Variants in NUBPL observed in about 807,000 individuals in gnomAD.
NUBPL encodes iron-sulfur cluster transfer protein NUBPL.
In NUBPL, 31 loss-of-function variants were observed where a neutral mutation model predicts 45.7. The ratio of observed to expected loss-of-function variants is 0.68; its 90% CI spans 0.51 to 0.92. The LOEUF is 0.92. NUBPL is among the 40% of genes least tolerant of loss of function. The probability of loss-of-function intolerance (pLI) is 0.00; values close to 1 mark genes in which losing one functional copy is unlikely to be tolerated. For synonymous variants in NUBPL, 144 were observed against 140.9 expected (o/e 1.02, Z -0.15); for missense variants, 401 against 398.7 (o/e 1.01, Z -0.05).
At chr14:31,748,901 T>C (rs573518742) in intron 6 of NUBPL, among the ~76,000 whole-genome samples, 256 of 152,280 alleles carry the variant, frequency 1.7e-3, no homozygotes, top group Middle Eastern at 0.014. Context: ...TGTGAGCCAC[T>C]GCGCCCCACC....
At chr14:31,848,475 T>C (rs910427196) in intron 9 of NUBPL, among the ~76,000 whole-genome samples, 1 of 152,330 alleles carries the variant, frequency 6.6e-6, no homozygotes, top group East Asian at 1.9e-4. Flanking sequence ...TTTGGTACGA[T>C]AGCTCTTGAG....
At chr14:31,767,073 G>A (rs989086935) in intron 6 of NUBPL, among the ~76,000 whole-genome samples, 2 of 151,890 alleles carry the variant, frequency 1.3e-5, no homozygotes, top group African/African-American at 4.8e-5. Context: ...CCCCCTCAAA[G>A]CCCCATATAT....
intron 7 of NUBPL, among the ~76,000 whole-genome samples, chr14:31,817,777 A>C (rs140192854): frequency 8.6e-4 from 131 of 152,310 alleles, no homozygotes; most frequent in African/African-American, 3.0e-3. Context: ...ACCAGCTAGC[A>C]TCATAATGAC....
At chr14:31,721,490 A>C (rs1051560103) in intron 6 of NUBPL, among the ~76,000 whole-genome samples, 1 of 152,052 alleles carries the variant, frequency 6.6e-6, no homozygotes, top group African/African-American at 2.4e-5. Flanking sequence ...TTTATTATGT[A>C]GGGTAATTTT....
At chr14:31,645,648 A>G (rs1028443021) in intron 4 of NUBPL, among the ~76,000 whole-genome samples, 2 of 151,892 alleles carry the variant, frequency 1.3e-5, no homozygotes, top group Non-Finnish European at 2.9e-5. Context: ...AGTTTTTGCA[A>G]TGTGGTTAGT....
chr14:31,740,611 A>C (rs2038262410), intron 6 of NUBPL, among the ~76,000 whole-genome samples: 1 of 152,058 alleles, frequency 6.6e-6, no homozygotes, highest in Non-Finnish European at 1.5e-5. Flanking sequence ...TTGTCTTCTC[A>C]TTCTTTTGAC....
chr14:31,820,490 A>G (rs1260622625), intron 7 of NUBPL, among the ~76,000 whole-genome samples: 1 of 152,200 alleles, frequency 6.6e-6, no homozygotes, highest in Non-Finnish European at 1.5e-5. Flanking sequence ...AAGTCGAATG[A>G]TACAGTAACA....
chr14:31,564,377 A>G (rs2033379682), intron 2 of NUBPL, among the ~76,000 whole-genome samples: 1 of 152,076 alleles, frequency 6.6e-6, no homozygotes, highest in South Asian at 2.1e-4. Flanking sequence ...AACTCCTGCA[A>G]TATCAGCATT....
chr14:31,853,831 A>G (rs1282852022), intron 10 of NUBPL, among the ~76,000 whole-genome samples: 3 of 152,166 alleles, frequency 2.0e-5, no homozygotes, highest in African/African-American at 7.2e-5. Flanking sequence ...AGAAGGCGAT[A>G]TTTAGAATTC....
intron 3 of NUBPL, among the ~76,000 whole-genome samples, chr14:31,595,859 A>G (rs1421015555): frequency 3.3e-5 from 5 of 151,152 alleles, no homozygotes; most frequent in African/African-American, 7.3e-5. Context: ...TAAGTATAAT[A>G]TGCTTTAATT....
intron 4 of NUBPL, among the ~76,000 whole-genome samples, chr14:31,645,335 G>C (rs1354436636): frequency 6.6e-6 from 1 of 151,950 alleles, no homozygotes; most frequent in Admixed American, 6.6e-5. Flanking sequence ...TAAAGTGTTG[G>C]GATTACAGGC....
chr14:31,621,013 C>T (rs551847890), intron 4 of NUBPL, among the ~76,000 whole-genome samples: 5 of 152,300 alleles, frequency 3.3e-5, no homozygotes, highest in South Asian at 4.1e-4. Context: ...GCAGTATGGC[C>T]GCACCAGCAT....
At chr14:31,692,085 T>G (rs1431749134) in intron 6 of NUBPL, among the ~76,000 whole-genome samples, 1 of 152,194 alleles carries the variant, frequency 6.6e-6, no homozygotes, top group African/African-American at 2.4e-5. Flanking sequence ...GGCAGATATA[T>G]GCTAGGATGT....
intron 6 of NUBPL, among the ~76,000 whole-genome samples, chr14:31,754,700 T>A (rs2038615722): frequency 6.6e-6 from 1 of 151,564 alleles, no homozygotes; most frequent in Non-Finnish European, 1.5e-5. Context: ...AAAAAAATTT[T>A]TTTTATTATT....
At chr14:31,614,353 C>T (rs1270540431) in intron 4 of NUBPL, among the ~76,000 whole-genome samples, 3 of 152,158 alleles carry the variant, frequency 2.0e-5, no homozygotes, top group African/African-American at 7.2e-5. Context: ...TCAGAAAGTA[C>T]TGAGTTTAGA....
chr14:31,795,071 G>C (rs1417096985), intron 7 of NUBPL, among the ~76,000 whole-genome samples: 3 of 149,398 alleles, frequency 2.0e-5, no homozygotes, highest in African/African-American at 7.6e-5. Flanking sequence ...TGAGGCCTCT[G>C]TTCTGTTCCA....
chr14:31,568,052 G>A (rs1469157244), intron 3 of NUBPL, among the ~76,000 whole-genome samples: 1 of 152,146 alleles, frequency 6.6e-6, no homozygotes, highest in Admixed American at 6.5e-5. Context: ...GGAAGAGAAG[G>A]GAGATAAACA....
chr14:31,833,199 T>A (rs1238031204), intron 8 of NUBPL, among the ~76,000 whole-genome samples: 1 of 151,994 alleles, frequency 6.6e-6, no homozygotes, highest in African/African-American at 2.4e-5. Flanking sequence ...GAGACCCCTG[T>A]CTCTTTAAAA....
intron 6 of NUBPL, among the ~76,000 whole-genome samples, chr14:31,693,461 G>A (rs1026107922): frequency 9.2e-5 from 14 of 152,218 alleles, no homozygotes; most frequent in African/African-American, 3.1e-4. Flanking sequence ...TTTATGGTAT[G>A]ATATATTAAG....
Sources: allele counts gnomAD v4.1 joint callset (sites outside exome capture counted in the v4.1 genomes callset), GRCh38; gene constraint gnomAD v4.1.1; transcripts MANE v1.5; gene names NCBI Gene and HGNC (gene_info 2026-07-23, HGNC 2026-07-21).